OPCML: variants seen among roughly 807,000 people sequenced by gnomAD.
OPCML encodes opioid binding protein/cell adhesion molecule like.
In OPCML, 13 loss-of-function variants were observed where a neutral mutation model predicts 37.8. The ratio of observed to expected loss-of-function variants is 0.34; its 90% CI spans 0.22 to 0.55. The LOEUF (loss-of-function observed/expected upper bound fraction) is 0.55, where lower values mean the gene tolerates loss of function less well. Among genes scored for constraint, OPCML ranks in the 20% least tolerant of loss-of-function variants. The pLI, the probability that OPCML is intolerant of heterozygous loss-of-function variation, is 0.91. For synonymous variants in OPCML, 176 were observed against 168.8 expected (o/e 1.04, Z -0.33); for missense variants, 341 against 435.6 (o/e 0.78, Z 1.93).
chr11:132,935,260 A>G (rs78722592), intron 2 of OPCML, among the ~76,000 whole-genome samples: 3,669 of 152,262 alleles, frequency 0.024, 156 homozygotes, highest in African/African-American at 0.082. Flanking sequence ...TTTCCATATT[A>G]TCTTCTTCTA....
At chr11:133,283,208 G>A (rs985443184) in intron 1 of OPCML, among the ~76,000 whole-genome samples, 4 of 152,140 alleles carry the variant, frequency 2.6e-5, no homozygotes, top group African/African-American at 9.7e-5. Context: ...ATGTTGAAAT[G>A]TGACCTCTAA....
intron 1 of OPCML, among the ~76,000 whole-genome samples, chr11:133,009,734 G>A (rs1390275734): frequency 1.3e-5 from 2 of 152,286 alleles, no homozygotes; most frequent in African/African-American, 4.8e-5. Flanking sequence ...TCACAGCAGG[G>A]TTTGTGCTCC....
chr11:133,249,436 T>A (rs1941054922), intron 1 of OPCML, among the ~76,000 whole-genome samples: 1 of 152,182 alleles, frequency 6.6e-6, no homozygotes, highest in Non-Finnish European at 1.5e-5. Flanking sequence ...CCCAAATGCC[T>A]CCAACCAGGC....
At chr11:132,441,199 G>T (rs1273174204) in intron 4 of OPCML, among the ~76,000 whole-genome samples, 19 of 65,684 alleles carry the variant, frequency 2.9e-4, no homozygotes, top group African/African-American at 1.2e-3. Flanking sequence ...ACGGAGTTTC[G>T]CTCTGTCGCC....
At chr11:132,852,908 A>T (rs1267033868) in intron 2 of OPCML, among the ~76,000 whole-genome samples, 2 of 151,956 alleles carry the variant, frequency 1.3e-5, no homozygotes, top group Admixed American at 1.3e-4. Context: ...GGTTGTTAAA[A>T]AAAAAAAAAA....
At chr11:133,375,021 G>T (rs1229478140) in intron 1 of OPCML, among the ~76,000 whole-genome samples, 1 of 152,158 alleles carries the variant, frequency 6.6e-6, no homozygotes, top group Non-Finnish European at 1.5e-5. Context: ...AGAAATTTAA[G>T]CTGTTGGTAG....
At chr11:132,657,587 AT>A (rs1392653090) in intron 2 of OPCML, among the ~76,000 whole-genome samples, 3 of 152,060 alleles carry the variant, frequency 2.0e-5, no homozygotes, top group Non-Finnish European at 4.4e-5. Flanking sequence ...TTTCCCTGTT[AT>A]TTTTTTCCCC....
intron 4 of OPCML, among the ~76,000 whole-genome samples, chr11:132,472,354 T>A (rs1467959799): frequency 1.3e-5 from 2 of 152,196 alleles, no homozygotes; most frequent in Non-Finnish European, 2.9e-5. Context: ...CTAGTTTGTG[T>A]CTATTCAGGA....
At chr11:133,490,661 C>G (rs2120438506) in intron 1 of OPCML, among the ~76,000 whole-genome samples, 1 of 152,202 alleles carries the variant, frequency 6.6e-6, no homozygotes, top group Middle Eastern at 3.4e-3. Flanking sequence ...CTTCCAATGA[C>G]TTTCCAACTC....
At chr11:132,884,318 G>C (rs1467229336) in intron 2 of OPCML, among the ~76,000 whole-genome samples, 1 of 152,210 alleles carries the variant, frequency 6.6e-6, no homozygotes, top group East Asian at 1.9e-4. Context: ...AAGGCAGATT[G>C]AGGAGCAGGT....
chr11:133,422,274 C>G (rs1457748990), intron 1 of OPCML: 2 of 984,678 alleles, frequency 2.0e-6, no homozygotes, highest in Non-Finnish European at 2.4e-6. Flanking sequence ...TGTCGTGGGA[C>G]TCACCACTAA....
intron 2 of OPCML, among the ~76,000 whole-genome samples, chr11:132,804,808 G>T (rs1938901142): frequency 6.6e-6 from 1 of 152,166 alleles, no homozygotes; most frequent in South Asian, 2.1e-4. Flanking sequence ...AGTCTTTAGA[G>T]TAAGGTAACA....
intron 2 of OPCML, among the ~76,000 whole-genome samples, chr11:132,908,195 G>A (rs1944308071): frequency 6.6e-6 from 1 of 152,126 alleles, no homozygotes; most frequent in Non-Finnish European, 1.5e-5. Flanking sequence ...ACTAATAACA[G>A]GAAGACTGAC....
intron 4 of OPCML, among the ~76,000 whole-genome samples, chr11:132,524,478 G>A (rs2096302789): frequency 6.6e-6 from 1 of 152,064 alleles, no homozygotes; most frequent in African/African-American, 2.4e-5. Flanking sequence ...TTTTTAATAA[G>A]CCATTGGCTG....
At chr11:132,715,580 G>C (rs1944441103) in intron 2 of OPCML, among the ~76,000 whole-genome samples, 1 of 152,126 alleles carries the variant, frequency 6.6e-6, no homozygotes, top group African/African-American at 2.4e-5. Flanking sequence ...TCATGAATGG[G>C]ATTAGTGCTT....
chr11:132,502,898 C>T (rs570626834), intron 4 of OPCML, among the ~76,000 whole-genome samples: 55 of 152,304 alleles, frequency 3.6e-4, no homozygotes, highest in Admixed American at 8.5e-4. Flanking sequence ...TTAAGTGCCT[C>T]TAGTGGATTC....
intron 1 of OPCML, among the ~76,000 whole-genome samples, chr11:133,203,129 A>C (rs1024270404): frequency 1.1e-4 from 16 of 152,230 alleles, no homozygotes; most frequent in Non-Finnish European, 2.2e-4. Flanking sequence ...TAAATAACAA[A>C]GCCCGTGGTA....
chr11:133,093,981 G>C (rs1177329693), intron 1 of OPCML, among the ~76,000 whole-genome samples: 1 of 152,142 alleles, frequency 6.6e-6, no homozygotes, highest in African/African-American at 2.4e-5. Flanking sequence ...TGGATGCATT[G>C]TCTATGTGGT....
intron 2 of OPCML, among the ~76,000 whole-genome samples, chr11:132,940,629 TA>T (rs1409799524): frequency 6.6e-6 from 1 of 152,142 alleles, no homozygotes; most frequent in East Asian, 1.9e-4. Context: ...AGTTGTTTGT[TA>T]AGATGGGAAC....
Sources: allele counts gnomAD v4.1 joint callset (sites outside exome capture counted in the v4.1 genomes callset), GRCh38; gene constraint gnomAD v4.1.1; transcripts MANE v1.5; gene names NCBI Gene and HGNC (gene_info 2026-07-23, HGNC 2026-07-21).